AMOTL1: variants seen among roughly 807,000 people sequenced by gnomAD.
AMOTL1 encodes angiomotin like 1.
Under a neutral mutation model 102.9 loss-of-function variants are expected in AMOTL1, and 45 were observed. That is an observed-to-expected ratio of 0.44 (90% CI 0.34 to 0.56). The LOEUF (loss-of-function observed/expected upper bound fraction) is 0.56, where lower values mean the gene tolerates loss of function less well. Ranked by LOEUF, AMOTL1 falls within the 20% of genes least tolerant of loss-of-function variation. AMOTL1 has a pLI of 0.01. For synonymous variants in AMOTL1, 481 were observed against 484.7 expected (o/e 0.99, Z 0.10); for missense variants, 1,114 against 1,225.6 (o/e 0.91, Z 1.36).
intron 3 of AMOTL1, among the ~76,000 whole-genome samples, chr11:94,762,350 G>A (rs1950803859): frequency 6.6e-6 from 1 of 152,144 alleles, no homozygotes; most frequent in South Asian, 2.1e-4. Context: ...AGGCAATTTT[G>A]CCCCCTAGGG....
rs756879660 is a variant in AMOTL1, at chr11:94,830,150, A to C, written c.1514A>C (p.Glu505Ala). 1.9e-6 allele frequency: 3 copies of C among 1,611,034 alleles called. No homozygotes were observed. The highest frequency in any genetic ancestry group is 2.5e-6 in the Non-Finnish European group (3 of 1,178,652). The change falls in exon 5 of 13, where the codon GAA becomes GCA. Residue 505 changes from glutamate to alanine, a missense_variant. Coordinates refer to ENST00000433060, the MANE Select transcript of AMOTL1 (RefSeq NM_130847.3). The stretch of plus-strand genomic sequence containing the variant: ...GACAAGGCCATGAGAAACAAATTGG[A>C]AGGCGAGATTAGAAGACTTCATGAT... ...SLDKAMRNKL[E>A]GEIRRLHDFN...
intron 2 of AMOTL1, among the ~76,000 whole-genome samples, chr11:94,798,859 G>C (rs1243865857): frequency 1.3e-5 from 2 of 152,134 alleles, no homozygotes; most frequent in Non-Finnish European, 2.9e-5. Flanking sequence ...ATGAGGGCTG[G>C]AAAATTCTCA....
intron 3 of AMOTL1, among the ~76,000 whole-genome samples, chr11:94,818,482 A>G (rs1040242725): frequency 3.3e-5 from 5 of 152,234 alleles, no homozygotes; most frequent in African/African-American, 9.6e-5. Flanking sequence ...AAAACAGCCT[A>G]TATGGCAAAT....
exon 2 of AMOTL1, chr11:94,728,994 T>G (rs1383929434): frequency 7.8e-7 from 1 of 1,288,982 alleles, no homozygotes; most frequent in African/African-American, 1.5e-5. Flanking sequence ...AAAAATGGAC[T>G]TTGGAGGAAG....
At chr11:94,826,966 A>G (rs903506314) in intron 4 of AMOTL1, among the ~76,000 whole-genome samples, 1 of 152,168 alleles carries the variant, frequency 6.6e-6, no homozygotes, top group Non-Finnish European at 1.5e-5. Context: ...AAACTATATC[A>G]TGGTAGGGAT....
At chr11:94,768,156 G>C (rs1384475305), upstream of AMOTL1, among the ~76,000 whole-genome samples, 4 of 152,204 alleles carry the variant, frequency 2.6e-5, no homozygotes, top group Admixed American at 6.5e-5. Flanking sequence ...AAGTCTCAGG[G>C]AGACACGTCA....
chr11:94,775,329 G>T (rs961104681), intron 1 of AMOTL1, among the ~76,000 whole-genome samples: 4 of 152,174 alleles, frequency 2.6e-5, no homozygotes, highest in African/African-American at 9.7e-5. Flanking sequence ...GGTTAAGCTA[G>T]GGTCTGAGTG....
intron 3 of AMOTL1, among the ~76,000 whole-genome samples, chr11:94,749,365 G>A (rs1292810529): frequency 6.6e-6 from 1 of 151,984 alleles, no homozygotes; most frequent in East Asian, 1.9e-4. Context: ...GTTCCATCCA[G>A]GCCCCCGGCC....
At chr11:94,762,445 G>A (rs1950805310) in intron 3 of AMOTL1, among the ~76,000 whole-genome samples, 1 of 152,188 alleles carries the variant, frequency 6.6e-6, no homozygotes, top group African/African-American at 2.4e-5. Context: ...AGTGGGTAGA[G>A]GCCATCCCTA....
intron 4 of AMOTL1, among the ~76,000 whole-genome samples, chr11:94,828,378 AC>A (rs1592008163): frequency 6.6e-6 from 1 of 151,568 alleles, no homozygotes; most frequent in African/African-American, 2.4e-5. Flanking sequence ...TATCTCTTCT[AC>A]CTCCTCTCCC....
intron 2 of AMOTL1, among the ~76,000 whole-genome samples, chr11:94,738,569 T>A (rs73525898): frequency 6.6e-6 from 1 of 152,226 alleles, no homozygotes; most frequent in African/African-American, 2.4e-5. Context: ...ATTTTGTGCT[T>A]CTTCAATCAT....
chr11:94,785,006 G>A (rs76477993), intron 1 of AMOTL1, among the ~76,000 whole-genome samples: 7,227 of 151,946 alleles, frequency 0.048, 262 homozygotes, highest in Non-Finnish European at 0.072. Flanking sequence ...ATAATATGCA[G>A]CCAGATGGAA....
chr11:94,795,064 T>C lies in AMOTL1; in HGVS notation c.103T>C (p.Ser35Pro). 1 of 1,613,782 alleles carries C rather than the reference T, an allele frequency of 6.2e-7. No homozygotes were observed. Among genetic ancestry groups the C allele is most frequent in the Non-Finnish European group, 8.5e-7 (1 of 1,179,828 alleles). The change falls in exon 2 of 13, where the codon TCC becomes CCC. Residue 35 changes from serine to proline, a missense_variant. Transcript: ENST00000433060. The stretch of plus-strand genomic sequence containing the variant: ...TAGTCCTGTCCAGGTTCTAGAAGAC[T>C]CCACCTACTTTTCCCCAGACTTTCA... ...PSSPVQVLEDSTYFSPDFQLY... is the reference protein window; with the variant it reads ...PSSPVQVLEDPTYFSPDFQLY...
At chr11:94,840,681 TACACACACACACACACACACACAC>T (rs111907230) in intron 6 of AMOTL1, among the ~76,000 whole-genome samples, 9 of 104,780 alleles carry the variant, frequency 8.6e-5, no homozygotes, top group African/African-American at 3.2e-4. Context: ...TATATATATA[TACACACACACACACACACACACAC>T]ACATATATAT....
intron 3 of AMOTL1, among the ~76,000 whole-genome samples, chr11:94,808,405 T>C (rs1476242452): frequency 6.6e-6 from 1 of 152,266 alleles, no homozygotes; most frequent in Non-Finnish European, 1.5e-5. Flanking sequence ...CTTTATGAAT[T>C]ACTTCACTAC....
intron 9 of AMOTL1, among the ~76,000 whole-genome samples, chr11:94,860,172 A>G (rs1426289738): frequency 6.6e-6 from 1 of 152,214 alleles, no homozygotes; most frequent in Non-Finnish European, 1.5e-5. Flanking sequence ...CATGGGCCAA[A>G]CTAGAAGAAT....
chr11:94,875,803 G>C lies in AMOTL1; in HGVS notation c.*5008G>C, dbSNP rs867006812. The C allele has an allele frequency of 2.6e-5, 4 of 152,148 alleles. No individual in the cohort carries two copies. Among genetic ancestry groups the C allele is most frequent in the African/African-American group, 9.7e-5 (4 of 41,424 alleles). The allele number at this position is 152,148 out of a possible 1,614,324, so 9.4% of individuals were successfully genotyped here. A position where few individuals can be genotyped will look rare whatever the true frequency, so the allele number is the denominator to read the frequency against. ...CCTCTCAAAGTGTCCACTTCAAGGG[G>C]GGATCATCCTCATTAGCACACAGAT... is the stretch of plus-strand genomic sequence containing the variant. On this transcript the variant is annotated 3_prime_UTR_variant, in exon 13 of 13. Transcript: ENST00000433060.
chr11:94,778,037 A>T lies in AMOTL1; in HGVS notation c.49+9477A>T, dbSNP rs1420473797. 2.6e-5 allele frequency among the ~76,000 whole-genome samples: 4 copies of T among 152,246 alleles called. No homozygotes were observed. The East Asian group carries it at 7.7e-4, about 29-fold the overall frequency. On this transcript the variant is annotated intron_variant, in intron 1 of 12. Transcript: ENST00000433060. ...AATGTAATGTATTAAGATGTTAGAA[A>T]ACAAAAGACAAATGAACTGGGTTCG...
At chr11:94,817,904 C>T (rs1437833647) in intron 3 of AMOTL1, among the ~76,000 whole-genome samples, 1 of 152,062 alleles carries the variant, frequency 6.6e-6, no homozygotes, top group Non-Finnish European at 1.5e-5. Context: ...TGGAATGTTG[C>T]TAATTCTTTT....
Sources: gnomAD v4.1 joint callset for allele counts (sites outside exome capture counted in the v4.1 genomes callset) on GRCh38, gnomAD v4.1.1 for gene constraint, MANE v1.5 for transcripts, NCBI Gene and HGNC (gene_info 2026-07-23, HGNC 2026-07-21) for gene names.